The following PRAC2 variants were observed in gnomAD, a reference collection of about 807,000 sequenced individuals.
PRAC2 encodes the protein protein PRAC2.
For missense variants in PRAC2, 92 were observed against 114.5 expected (o/e 0.80, Z 0.90); for synonymous variants, 43 against 49.5 (o/e 0.87, Z 0.55).
upstream of PRAC2, among the ~76,000 whole-genome samples, chr17:48,720,495 G>A (rs1356143479): frequency 3.9e-5 from 6 of 152,048 alleles, no homozygotes; most frequent in East Asian, 1.2e-3. Context: ...CCTGTTCCCC[G>A]TCCTGTTCCC....
At position 48,723,260 on chromosome 17, in the gene PRAC2, C is replaced by T. The variant is rs1300651743; in HGVS notation, c.-137C>T. On this transcript the variant is annotated 5_prime_UTR_variant, in exon 1 of 2. Transcript: ENST00000422730. ...GGTATAAATTTCAAAAACAACGAAA[C>T]CTTCTTTTGCCCCCTCCGCAGCAGT... 1 of 155,446 alleles carries T rather than the reference C, an allele frequency of 6.4e-6. No homozygotes were observed. Among genetic ancestry groups the T allele is most frequent in the Non-Finnish European group, 1.4e-5 (1 of 70,354 alleles). The allele number at this position is 155,446 out of a possible 1,614,324, so 9.6% of individuals were successfully genotyped here. A position where few individuals can be genotyped will look rare whatever the true frequency, so the allele number is the denominator to read the frequency against.
upstream of PRAC2, among the ~76,000 whole-genome samples, chr17:48,718,804 C>T (rs1299088082): frequency 2.6e-5 from 4 of 152,186 alleles, no homozygotes; most frequent in African/African-American, 9.6e-5. Flanking sequence ...TTCAAGCAAG[C>T]TCTGCGGCAG....
In PRAC2 at chr17:48,724,657, T is replaced by C; in HGVS notation, c.247T>C (p.Cys83Arg). The change falls in exon 2 of 2, where the codon TGC (cysteine) becomes CGC (arginine). Residue 83 changes from cysteine (C) to arginine (R), a missense_variant. Physicochemically the swap from Cys to Arg is radical, Grantham distance 180. Coordinates refer to ENST00000422730, the MANE Select transcript of PRAC2 (RefSeq NM_001282275.2). ...TGTAGCTCCGCGGACGATGAAAGCC[T>C]GCCCGCAGGTTCTCCTGGAGTGGTG... Reference protein sequence around the residue: ...KPVAPRTMKACPQVLLEW With the variant: ...KPVAPRTMKARPQVLLEW 2 of 1,232,192 alleles carry C rather than the reference T, an allele frequency of 1.6e-6. No individual in the cohort carries two copies. Among genetic ancestry groups the C allele is most frequent in the Non-Finnish European group, 2.0e-6 (2 of 988,000 alleles). The allele number at this position is 1,232,192 out of a possible 1,614,324, so 76.3% of individuals were successfully genotyped here.
At chr17:48,722,277 G>T, upstream of PRAC2, 1 of 1,531,570 alleles carries the variant, frequency 6.5e-7, no homozygotes, top group Non-Finnish European at 9.1e-7. Context: ...ACCATACTGA[G>T]CGATCCGTCG....
chr17:48,722,955 G>C (rs948771397), upstream of PRAC2, among the ~76,000 whole-genome samples: 22 of 152,342 alleles, frequency 1.4e-4, no homozygotes, highest in Admixed American at 1.4e-3. Context: ...TTCGGGGGCA[G>C]TTTAGGGGAG....
chr17:48,721,942 C>A (rs1473251224), upstream of PRAC2: 2 of 1,466,928 alleles, frequency 1.4e-6, no homozygotes, highest in Admixed American at 2.4e-5. Flanking sequence ...ATAATAATAA[C>A]GTTATCAATA....
At chr17:48,719,493 G>T (rs1421829809), upstream of PRAC2, among the ~76,000 whole-genome samples, 1 of 152,190 alleles carries the variant, frequency 6.6e-6, no homozygotes, top group Admixed American at 6.5e-5. Context: ...CGCGGCGGGC[G>T]ACAGCCCCCC....
chr17:48,720,938 C>G (rs2038139240), upstream of PRAC2, among the ~76,000 whole-genome samples: 1 of 152,114 alleles, frequency 6.6e-6, no homozygotes, highest in Non-Finnish European at 1.5e-5. Flanking sequence ...AGGTTAAGCG[C>G]TCCTGTTTTG....
At chr17:48,719,395 C>A (rs575746941), upstream of PRAC2, among the ~76,000 whole-genome samples, 4 of 152,096 alleles carry the variant, frequency 2.6e-5, no homozygotes, top group Non-Finnish European at 4.4e-5. Flanking sequence ...GCCCCATTTG[C>A]GAAGTTTAAG....
At chr17:48,721,911 T>C (rs1438700427), upstream of PRAC2, 2 of 1,499,100 alleles carry the variant, frequency 1.3e-6, no homozygotes, top group Non-Finnish European at 1.8e-6. Flanking sequence ...TAAAATATTT[T>C]ACAATATTTA....
In PRAC2 at chr17:48,724,347, G is replaced by GA. The variant is rs1432002535; in HGVS notation, c.-57dup. 1.9e-5 allele frequency: 24 copies of GA among 1,233,774 alleles called. No homozygotes were observed. The East Asian group carries it at 6.0e-4, about 31-fold the overall frequency. 76.4% of individuals were successfully genotyped at this position (1,233,774 alleles called of 1,614,324 possible). On this transcript the variant is annotated 5_prime_UTR_variant, in exon 2 of 2. Coordinates refer to ENST00000422730, the MANE Select transcript of PRAC2 (RefSeq NM_001282275.2). ...GCACAGGTTCCATACAAGTAAATCC[G>GA]AAAAAAAGTGTGTGTGGGGGGGTCC...
chr17:48,720,955 A>T (rs1230177819), upstream of PRAC2, among the ~76,000 whole-genome samples: 7 of 152,192 alleles, frequency 4.6e-5, no homozygotes, highest in Non-Finnish European at 1.0e-4. Context: ...TTTGGGACCC[A>T]GATCAAGTAA....
At chr17:48,723,911 T>TACGAAATG in intron 1 of PRAC2, 1 of 624,920 alleles carries the variant, frequency 1.6e-6, no homozygotes, top group Non-Finnish European at 2.3e-6. Context: ...CGTAGCTTGC[T>TACGAAATG]GAGAGATTCG....
chr17:48,719,691 T>A (rs771526639), upstream of PRAC2, among the ~76,000 whole-genome samples: 10 of 152,218 alleles, frequency 6.6e-5, no homozygotes, highest in Admixed American at 2.0e-4. Flanking sequence ...GAACATGAAA[T>A]GCCAAGGAGG....
At position 48,724,641 on chromosome 17, in the gene PRAC2, G is replaced by T; in HGVS notation, c.231G>T (p.Pro77=). 5.7e-6 allele frequency: 7 copies of T among 1,232,168 alleles called. No individual in the cohort carries two copies. The highest frequency in any genetic ancestry group is 7.1e-6 in the Non-Finnish European group (7 of 987,990). 76.3% of individuals were successfully genotyped at this position (1,232,168 alleles called of 1,614,324 possible). A position where few individuals can be genotyped will look rare whatever the true frequency, so the allele number is the denominator to read the frequency against. ...EAPGRWKPVA[P]RTMKACPQVL... is the part of the protein sequence containing the mutation. ...CAGGCCGCTGGAAGCCTGTAGCTCCGCGGACGATGAAAGCCTGCCCGCAGG... is the reference window on the plus strand; with the variant it reads ...CAGGCCGCTGGAAGCCTGTAGCTCCTCGGACGATGAAAGCCTGCCCGCAGG... The change falls in exon 2 of 2, where the codon CCG becomes CCT. Residue 77 remains proline, a synonymous_variant. Coordinates refer to ENST00000422730, the MANE Select transcript of PRAC2 (RefSeq NM_001282275.2).
chr17:48,718,916 G>C (rs75922060), upstream of PRAC2, among the ~76,000 whole-genome samples: 12,223 of 152,210 alleles, frequency 0.08, 759 homozygotes, highest in East Asian at 0.23. Context: ...GACTCCCTGC[G>C]GTGTCTCTGG....
At chr17:48,721,944 T>C (rs1045450655), upstream of PRAC2, 1 of 1,464,248 alleles carries the variant, frequency 6.8e-7, no homozygotes, top group African/African-American at 1.4e-5. Context: ...AATAATAACG[T>C]TATCAATATT....
At chr17:48,724,017 C>T (rs779818600) in intron 1 of PRAC2, among the ~76,000 whole-genome samples, 1 of 152,210 alleles carries the variant, frequency 6.6e-6, no homozygotes, top group Non-Finnish European at 1.5e-5. Flanking sequence ...GCTTATTTTC[C>T]GGAGTATATG....
intron 1 of PRAC2, among the ~76,000 whole-genome samples, chr17:48,723,970 A>C: frequency 6.6e-6 from 1 of 152,238 alleles, no homozygotes; most frequent in South Asian, 2.1e-4. Flanking sequence ...AGGGCAGCTC[A>C]GGGTACAATT....
Sources: allele counts gnomAD v4.1 joint callset (sites outside exome capture counted in the v4.1 genomes callset), GRCh38; gene constraint gnomAD v4.1.1; transcripts MANE v1.5; gene names NCBI Gene and HGNC (gene_info 2026-07-23, HGNC 2026-07-21).